The following TTC39A variants were observed in gnomAD, a reference collection of about 807,000 sequenced individuals.
TTC39A encodes tetratricopeptide repeat protein 39A.
Under a neutral mutation model 82.3 loss-of-function variants are expected in TTC39A, and 46 were observed. That is an observed-to-expected ratio of 0.56 (90% CI 0.44 to 0.71). The LOEUF (loss-of-function observed/expected upper bound fraction) is 0.71, where lower values mean the gene tolerates loss of function less well. Ranked by LOEUF, TTC39A falls within the 30% of genes least tolerant of loss-of-function variation. The probability of loss-of-function intolerance (pLI) is 0.00; values close to 1 mark genes in which losing one functional copy is unlikely to be tolerated. For synonymous variants in TTC39A, 254 were observed against 275.2 expected (o/e 0.92, Z 0.76); for missense variants, 543 against 712.9 (o/e 0.76, Z 2.71).
At chr1:51,312,465 C>T (rs1046743197) in intron 3 of TTC39A, among the ~76,000 whole-genome samples, 1 of 152,208 alleles carries the variant, frequency 6.6e-6, no homozygotes, top group East Asian at 1.9e-4. Flanking sequence ...GGTCAACCCG[C>T]TTCCTGGCCA....
chr1:51,344,425 C>T (rs1646072584), intron 1 of TTC39A, among the ~76,000 whole-genome samples: 1 of 152,066 alleles, frequency 6.6e-6, no homozygotes, highest in Non-Finnish European at 1.5e-5. Flanking sequence ...GAGGTAGGGT[C>T]AGCTAGGGAG....
At chr1:51,309,417 C>G (rs1401538413) in intron 5 of TTC39A, 92 bp from the exon 6 acceptor site, 1 of 1,596,370 alleles carries the variant, frequency 6.3e-7, no homozygotes, top group African/African-American at 1.3e-5. Flanking sequence ...GACTGCCCCT[C>G]CGTGTGAGGA....
intron 7 of TTC39A, 66 bp from the exon 8 acceptor site, chr1:51,305,212 C>T: frequency 6.6e-7 from 1 of 1,506,310 alleles, no homozygotes; most frequent in East Asian, 2.3e-5. Context: ...CCCCCACTGT[C>T]CCAAGTCTAG....
intron 1 of TTC39A, among the ~76,000 whole-genome samples, chr1:51,329,454 C>A (rs181568460): frequency 6.6e-6 from 1 of 152,228 alleles, no homozygotes. Context: ...ACTCACCAGG[C>A]AACCCTCTCC....
chr1:51,293,027 A>G (rs984962857), intron 14 of TTC39A, among the ~76,000 whole-genome samples: 2 of 151,194 alleles, frequency 1.3e-5, no homozygotes, highest in Non-Finnish European at 2.9e-5. Context: ...CCTTCCTACA[A>G]TATCCTCCTG....
chr1:51,338,155 CCTGACAT>C (rs1210562142), intron 1 of TTC39A, among the ~76,000 whole-genome samples: 1 of 151,990 alleles, frequency 6.6e-6, no homozygotes, highest in Non-Finnish European at 1.5e-5. Context: ...AAAAGAAAAC[CCTGACAT>C]CTATGCATTT....
chr1:51,295,829 A>G (rs1557700857), intron 13 of TTC39A: 1 of 574,542 alleles, frequency 1.7e-6, no homozygotes, highest in Non-Finnish European at 3.1e-6. Context: ...GGAAGACGAT[A>G]TTAGCAAAAC....
intron 3 of TTC39A, 63 bp from the exon 4 acceptor site, chr1:51,312,258 C>A (rs1244370637): frequency 1.4e-6 from 2 of 1,440,370 alleles, no homozygotes; most frequent in South Asian, 1.2e-5. Flanking sequence ...GTCTCTGCCC[C>A]TCTCTGCTAC....
chr1:51,290,754 G>A, intron 14 of TTC39A, 129 bp from the exon 15 acceptor site: 1 of 689,930 alleles, frequency 1.4e-6, no homozygotes, highest in East Asian at 2.8e-5. Flanking sequence ...ATCCATGACA[G>A]GTCTCAGTCA....
chr1:51,320,239 GACTT>G (rs1221818416), intron 2 of TTC39A, among the ~76,000 whole-genome samples: 1 of 152,076 alleles, frequency 6.6e-6, no homozygotes, highest in Non-Finnish European at 1.5e-5. Context: ...TGGTTATAAA[GACTT>G]ACGGATAAAT....
intron 2 of TTC39A, among the ~76,000 whole-genome samples, chr1:51,316,215 G>A (rs1645277965): frequency 1.3e-5 from 2 of 152,236 alleles, no homozygotes; most frequent in Non-Finnish European, 2.9e-5. Context: ...GGCTGTTGCT[G>A]AATGAACCAG....
At chr1:51,290,902 G>T (rs1415854704) in intron 14 of TTC39A, among the ~76,000 whole-genome samples, 1 of 152,130 alleles carries the variant, frequency 6.6e-6, no homozygotes, top group Non-Finnish European at 1.5e-5. Context: ...AAGTTTTCCA[G>T]CTATTTTCCT....
At position 51,288,545 on chromosome 1, in the gene TTC39A, C is replaced by G. The variant is rs887345481; in HGVS notation, c.1611-265G>C. On this transcript the variant is annotated intron_variant, in intron 17 of 17. Coordinates refer to ENST00000680483, the MANE Select transcript of TTC39A (RefSeq NM_001297663.2). This position sits in a 1 kb window ranked among gnomAD's most constrained non-coding sequence, Gnocchi z 4.8. ...GTGGTTTTAGGGAATAGACCCCTAC[C>G]CTGGAAGGCAGGAGGCATGGGTCCT... Among the ~76,000 whole-genome samples, 3 of 152,156 alleles carry G rather than the reference C, an allele frequency of 2.0e-5. No individual in the cohort carries two copies. The highest frequency in any genetic ancestry group is 1.3e-4 in the Admixed American group (2 of 15,278).
intron 1 of TTC39A, chr1:51,343,030 G>C (rs928564289): frequency 2.2e-6 from 1 of 456,108 alleles, no homozygotes; most frequent in Non-Finnish European, 4.4e-6. Context: ...AAGGCTCCCT[G>C]GTGCCCACAG....
chr1:51,301,509 T>G, intron 12 of TTC39A, 63 bp downstream of exon 12: 1 of 1,514,240 alleles, frequency 6.6e-7, no homozygotes, highest in Non-Finnish European at 8.9e-7. Context: ...ATTTGGCCCG[T>G]GGTCTGGAGG....
chr1:51,300,132 T>C (rs1644596318), intron 12 of TTC39A: 1 of 152,188 alleles, frequency 6.6e-6, no homozygotes, highest in Non-Finnish European at 1.5e-5. Context: ...TCAAATCCGG[T>C]GTCTGTCACC....
In TTC39A at chr1:51,321,699, C is replaced by G. The variant is rs1332142440; in HGVS notation, c.146+22G>C. On this transcript the variant is annotated intron_variant, in intron 2 of 17. Transcript: ENST00000680483. This position sits in a 1 kb window ranked among gnomAD's most constrained non-coding sequence, Gnocchi z 4.6. The stretch of plus-strand genomic sequence containing the variant: ...CTGACCGTCATGCACACCCCCTACC[C>G]CAACCGGGGCTTGAGCCTCACCTGG... 5 of 1,610,584 alleles carry G rather than the reference C, an allele frequency of 3.1e-6. No individual in the cohort carries two copies. Among genetic ancestry groups the G allele is most frequent in the Non-Finnish European group, 3.4e-6 (4 of 1,177,924 alleles).
chr1:51,296,415 A>G (rs12074459), intron 12 of TTC39A, among the ~76,000 whole-genome samples: 40,335 of 152,238 alleles, frequency 0.26, 6,384 homozygotes, highest in African/African-American at 0.45. Flanking sequence ...AACTAGTAAT[A>G]GGCAGGACAG....
intron 2 of TTC39A, among the ~76,000 whole-genome samples, chr1:51,315,974 T>C (rs1353275378): frequency 6.6e-6 from 1 of 152,234 alleles, no homozygotes; most frequent in Admixed American, 6.5e-5. Flanking sequence ...TAAATTTTAA[T>C]AATATTTGAA....
Sources: gnomAD v4.1 joint callset for allele counts (sites outside exome capture counted in the v4.1 genomes callset) on GRCh38, gnomAD v4.1.1 for gene constraint, Gnocchi (gnomAD v3.1) non-coding constraint, MANE v1.5 for transcripts, NCBI Gene and HGNC (gene_info 2026-07-23, HGNC 2026-07-21) for gene names.